TAF6: variants seen among roughly 807,000 people sequenced by gnomAD.
TAF6 encodes TATA-box binding protein associated factor 6.
TAF6 carries 50 observed loss-of-function variants against 73.5 expected under a neutral mutation model. The observed-to-expected ratio is 0.68, with a 90% CI of 0.54 to 0.86. TAF6 has a LOEUF of 0.86. Ranked by LOEUF, TAF6 falls within the 40% of genes least tolerant of loss-of-function variation. TAF6 has a pLI of 0.00. For synonymous variants in TAF6, 424 were observed against 376.7 expected (o/e 1.13, Z -1.45); for missense variants, 768 against 899.5 (o/e 0.85, Z 1.87).
At chr7:100,124,948 C>T in the TAF6 span, 3 of 1,514,002 alleles carry the variant, frequency 2.0e-6, no homozygotes, top group Non-Finnish European at 2.7e-6. Context: ...AAAGCCTGCA[C>T]TCTCCCTGCT....
upstream of TAF6, chr7:100,119,416 C>G: frequency 8.5e-7 from 1 of 1,180,772 alleles, no homozygotes; most frequent in African/African-American, 1.6e-5. Flanking sequence ...CTTCCCCGTA[C>G]CAGAATAAGT....
chr7:100,108,193 G>A (rs1194362016), intron 13 of TAF6, 70 bp from the exon 14 acceptor site: 9 of 1,501,914 alleles, frequency 6.0e-6, no homozygotes, highest in Non-Finnish European at 8.0e-6. Flanking sequence ...GGAGAGGCCT[G>A]GGCTCCCCTC....
At chr7:100,109,293 C>G (rs1008027997) in intron 12 of TAF6, among the ~76,000 whole-genome samples, 6 of 151,412 alleles carry the variant, frequency 4.0e-5, no homozygotes, top group African/African-American at 1.5e-4. Context: ...CCACTGCACT[C>G]CAGCCTGGGT....
upstream of TAF6, among the ~76,000 whole-genome samples, chr7:100,123,765 C>T (rs1458884346): frequency 1.3e-5 from 2 of 152,176 alleles, no homozygotes; most frequent in Non-Finnish European, 2.9e-5. Context: ...GGTGATCCAC[C>T]CGCCTTGGCC....
chr7:100,108,006 C>G lies in TAF6; in HGVS notation c.1576G>C (p.Ala526Pro), dbSNP rs772571923. The change falls in exon 14 of 15, where the codon GCT (alanine) becomes CCT (proline). Residue 526 changes from alanine to proline, a missense_variant. Transcript: ENST00000453269. ...GGAGGGGAAGGCTGTGGTGGGGCAG[C>G]CGCTCGTGCAGACACCAGTGTCTGG... Reference protein sequence around the residue: ...PVQTLVSARAAAPPQPSPPPT... With the variant: ...PVQTLVSARAPAPPQPSPPPT... The G allele has an allele frequency of 1.2e-6, 2 of 1,613,852 alleles. No homozygotes were observed. Among genetic ancestry groups the G allele is most frequent in the African/African-American group, 2.7e-5 (2 of 74,916 alleles).
chr7:100,115,865 G>A (rs1221360838), intron 1 of TAF6, among the ~76,000 whole-genome samples: 1 of 152,056 alleles, frequency 6.6e-6, no homozygotes, highest in Non-Finnish European at 1.5e-5. Context: ...CAGCTACTCG[G>A]GAGGCTGAGG....
chr7:100,122,038 A>T, upstream of TAF6: 1 of 451,752 alleles, frequency 2.2e-6, no homozygotes, highest in Admixed American at 4.1e-5. Flanking sequence ...CGACAGAGCG[A>T]GAGTCCGTCT....
rs560140163 is a variant in TAF6 at position 100,113,783 on chromosome 7, G to A, written c.244-14C>T. The A allele has an allele frequency of 4.3e-6, 7 of 1,613,838 alleles. No homozygotes were observed. In the South Asian group the frequency reaches 6.6e-5, roughly 15 times the overall value. ...GCCATAGAGTGGCTGTGGCAGGAGA[G>A]AGGGGCATGGGTAAGAAGGGAGCCG... On this transcript the variant is annotated splice_polypyrimidine_tract_variant and intron_variant, in intron 3 of 14. Transcript: ENST00000453269.
chr7:100,113,183 G>A (rs1326137019), intron 5 of TAF6, among the ~76,000 whole-genome samples, 166 bp downstream of exon 5: 3 of 152,116 alleles, frequency 2.0e-5, no homozygotes, highest in South Asian at 2.1e-4. Context: ...CAAGAATCGC[G>A]TGAACCCAGG....
rs1466457089 is a variant in TAF6, at chr7:100,112,167, G to A, written c.661C>T (p.Gln221Ter). The A allele has an allele frequency of 6.2e-7, 1 of 1,614,134 alleles. No individual in the cohort carries two copies. The highest frequency in any genetic ancestry group is 8.5e-7 in the Non-Finnish European group (1 of 1,180,016). ...RSIHELSVEQ[Q>*]LYYKEITEAC... ...TCGGTGATCTCCTTGTAGTAGAGCTGCTGCTCCACAGACAACTCGTGGATG... is the reference window on the plus strand; with the variant it reads ...TCGGTGATCTCCTTGTAGTAGAGCTACTGCTCCACAGACAACTCGTGGATG... Residue 221 changes from glutamine to a stop codon, truncating the protein, a stop_gained, in exon 7 of 15, where the codon CAG becomes TAG. Transcript: ENST00000453269. LOFTEE classifies it high-confidence loss of function.
chr7:100,122,078 C>T (rs1431548715), upstream of TAF6: 4 of 581,538 alleles, frequency 6.9e-6, no homozygotes, highest in Admixed American at 3.4e-5. Context: ...ATGAAGAAAC[C>T]GAGGCACAGC....
Position 100,112,182 on chromosome 7 carries a change from A to G in TAF6, c.646T>C (p.Leu216=). The G allele has an allele frequency of 1.2e-6, 2 of 1,613,956 alleles. No individual in the cohort carries two copies. Residue 216 remains leucine (L), a synonymous_variant, in exon 7 of 15, where the codon TTG becomes CTG. Coordinates refer to ENST00000453269, the MANE Select transcript of TAF6 (RefSeq NM_139315.3). ...TAGTAGAGCTGCTGCTCCACAGACA[A>G]CTCGTGGATGCTCCGGGGCTTCAGT... ...LRLKPRSIHE[L]SVEQQLYYKE... is the part of the protein sequence containing the mutation.
the TAF6 span, chr7:100,124,991 C>T: frequency 2.2e-6 from 3 of 1,334,630 alleles, no homozygotes; most frequent in Non-Finnish European, 3.1e-6. Flanking sequence ...ATGAGTGACT[C>T]CACCCAAGCT....
At chr7:100,121,489 C>T (rs961483804), upstream of TAF6, 4 of 151,458 alleles carry the variant, frequency 2.6e-5, no homozygotes, top group African/African-American at 7.3e-5. Flanking sequence ...CCTTTGTTGC[C>T]TGGGCTGGGG....
At chr7:100,110,326 A>G (rs1156472020) in intron 10 of TAF6, 52 bp from the exon 11 acceptor site, 1 of 1,591,040 alleles carries the variant, frequency 6.3e-7, no homozygotes, top group Non-Finnish European at 8.6e-7. Context: ...AGGATGATTG[A>G]CAGGGACCTA....
chr7:100,118,045 CA>C (rs749816135), intron 1 of TAF6, among the ~76,000 whole-genome samples: 41 of 81,138 alleles, frequency 5.1e-4, no homozygotes, highest in South Asian at 8.4e-4. Flanking sequence ...GACTCTGTCT[CA>C]AAAAAAAAAA....
At chr7:100,123,937 G>A (rs1427482702), upstream of TAF6, among the ~76,000 whole-genome samples, 4 of 152,046 alleles carry the variant, frequency 2.6e-5, no homozygotes, top group Admixed American at 6.6e-5. Context: ...AAGACCAGCC[G>A]GGCCATCATA....
intron 5 of TAF6, among the ~76,000 whole-genome samples, chr7:100,113,123 G>T (rs776030557): frequency 1.3e-5 from 2 of 152,102 alleles, no homozygotes; most frequent in Non-Finnish European, 2.9e-5. Context: ...AAAATTAGCC[G>T]GGCGTGGTGG....
At chr7:100,117,204 C>G (rs894982139) in intron 1 of TAF6, among the ~76,000 whole-genome samples, 1 of 150,284 alleles carries the variant, frequency 6.7e-6, no homozygotes, top group South Asian at 2.2e-4. Context: ...AGAGGTTGTG[C>G]CACTGCACTC....
Sources: allele counts gnomAD v4.1 joint callset (sites outside exome capture counted in the v4.1 genomes callset), GRCh38; gene constraint gnomAD v4.1.1; transcripts MANE v1.5; gene names NCBI Gene and HGNC (gene_info 2026-07-23, HGNC 2026-07-21).